CEBPZ: variants seen among roughly 807,000 people sequenced by gnomAD.
The protein encoded by CEBPZ is CCAAT enhancer binding protein zeta, also known as CCAAT/enhancer-binding protein zeta.
In CEBPZ, 78 loss-of-function variants were observed where a neutral mutation model predicts 104.5. The ratio of observed to expected loss-of-function variants is 0.75; its 90% CI spans 0.62 to 0.90. The LOEUF is 0.90. CEBPZ is among the 40% of genes least tolerant of loss of function. The probability of loss-of-function intolerance (pLI) is 0.00; values close to 1 mark genes in which losing one functional copy is unlikely to be tolerated. For synonymous variants in CEBPZ, 470 were observed against 427.0 expected (o/e 1.10, Z -1.24); for missense variants, 1,439 against 1,233.5 (o/e 1.17, Z -2.50).
Position 37,211,875 on chromosome 2 carries a change from T to G in CEBPZ, c.2768A>C (p.Asp923Ala). Residue 923 changes from aspartate (D) to alanine (A), a missense_variant, in exon 12 of 16, where the codon GAT becomes GCT. Transcript: ENST00000234170. ...EVDEDGGTFMDVLDDESESVP... is the reference protein window; with the variant it reads ...EVDEDGGTFMAVLDDESESVP... ...GCTCTCACTTTCATCATCTAACACA[T>G]CCATGAATGTTCCTCCATCTTCATC... 1.2e-6 allele frequency: 2 copies of G among 1,609,718 alleles called. No individual in the cohort carries two copies. The highest frequency in any genetic ancestry group is 1.7e-6 in the Non-Finnish European group (2 of 1,178,566).
At chr2:37,220,877 G>A (rs1365229777) in intron 4 of CEBPZ, among the ~76,000 whole-genome samples, 1 of 152,122 alleles carries the variant, frequency 6.6e-6, no homozygotes, top group Non-Finnish European at 1.5e-5. Context: ...TGTGCCTGTA[G>A]TCCCAGCTAT....
Position 37,228,503 on chromosome 2 carries a change from G to A in CEBPZ, c.690C>T (p.Ala230=). The A allele has an allele frequency of 6.2e-7, 1 of 1,614,162 alleles. No individual in the cohort carries two copies. The change falls in exon 2 of 16, where the codon GCC becomes GCT. Residue 230 remains alanine, a synonymous_variant. Transcript: ENST00000234170. ...CAATTGCCTTCATCCAGGTAGAAGA[G>A]GCTCCCTTTTGACTATTCGTCTTAC... The part of the protein sequence containing the change: ...FKSKTNSQKG[A]SSTWMKAIVS...
intron 4 of CEBPZ, among the ~76,000 whole-genome samples, chr2:37,221,316 T>C (rs1664767032): frequency 6.6e-6 from 1 of 152,012 alleles, no homozygotes; most frequent in Non-Finnish European, 1.5e-5. Context: ...TGAGACCCTG[T>C]CTCAAAAAAA....
At chr2:37,205,867 A>C (rs1488135935) in intron 13 of CEBPZ, among the ~76,000 whole-genome samples, 1 of 152,088 alleles carries the variant, frequency 6.6e-6, no homozygotes, top group African/African-American at 2.4e-5. Context: ...AAAAATGTTA[A>C]AAAACAATTA....
At chr2:37,213,746 C>T in intron 10 of CEBPZ, 118 bp downstream of exon 10, 2 of 665,106 alleles carry the variant, frequency 3.0e-6, no homozygotes, top group Non-Finnish European at 5.0e-6. Flanking sequence ...CTGTGATTTG[C>T]ATGATATTCT....
intron 9 of CEBPZ, among the ~76,000 whole-genome samples, chr2:37,214,205 T>G (rs910971561): frequency 2.0e-5 from 3 of 152,208 alleles, no homozygotes; most frequent in African/African-American, 7.2e-5. Flanking sequence ...ATTCTTATAT[T>G]AGAATACAGC....
At chr2:37,219,265 T>C (rs141298909) in intron 5 of CEBPZ, among the ~76,000 whole-genome samples, 327 of 152,352 alleles carry the variant, frequency 2.1e-3, no homozygotes, top group African/African-American at 7.1e-3. Context: ...ACAACCTTCA[T>C]GCTTTAGGTA....
intron 13 of CEBPZ, chr2:37,203,350 GAC>G (rs977916937): frequency 3.7e-5 from 6 of 163,366 alleles, no homozygotes; most frequent in African/African-American, 1.2e-4. Context: ...AAATACTTAA[GAC>G]ACAACATAAA....
At chr2:37,231,320 T>G (rs1406103803) in intron 1 of CEBPZ, 92 bp downstream of exon 1, 1 of 1,581,252 alleles carries the variant, frequency 6.3e-7, no homozygotes, top group Non-Finnish European at 8.7e-7. Context: ...ACGCCCGCGC[T>G]CTACGCAGCG....
rs538120629 is a variant in CEBPZ, at chr2:37,216,418, C to G, written c.2209G>C (p.Gly737Arg). Residue 737 changes from glycine (G) to arginine (R), a missense_variant and splice_region_variant, in exon 7 of 16, where the codon GGA (glycine) becomes CGA (arginine). By Grantham distance (125) the Gly-to-Arg change is moderately radical. Transcript: ENST00000234170. ...TCCCCTGAATACTGAATATAGTTTC[C>G]CTGAAAAGTGGAGCGGGGATTTAAA... The part of the protein sequence containing the change: ...VALFAKTILQ[G>R]NYIQYSGDPL... The G allele has an allele frequency of 6.3e-7, 1 of 1,599,682 alleles. No individual in the cohort carries two copies.
intron 2 of CEBPZ, among the ~76,000 whole-genome samples, chr2:37,226,978 C>A (rs1664900839): frequency 6.6e-6 from 1 of 152,180 alleles, no homozygotes. Context: ...TTGTTTACCA[C>A]CGCTCCCCTC....
At chr2:37,213,078 A>G (rs1677779037) in intron 10 of CEBPZ, among the ~76,000 whole-genome samples, 1 of 151,950 alleles carries the variant, frequency 6.6e-6, no homozygotes, top group Admixed American at 6.6e-5. Flanking sequence ...AAAAACAACA[A>G]CAAAAAAATA....
At chr2:37,220,269 A>G (rs1348916852) in intron 5 of CEBPZ, 116 bp downstream of exon 5, 8 of 277,844 alleles carry the variant, frequency 2.9e-5, no homozygotes, top group East Asian at 1.3e-4. Flanking sequence ...GTGAGCCACA[A>G]TCATGCCACT....
chr2:37,203,166 AGAGT>A, intron 13 of CEBPZ, 158 bp from the exon 14 acceptor site: 1 of 507,426 alleles, frequency 2.0e-6, no homozygotes, highest in South Asian at 3.6e-5. Flanking sequence ...ATATAATTTA[AGAGT>A]TAGTATATAA....
intron 10 of CEBPZ, among the ~76,000 whole-genome samples, chr2:37,212,895 C>T (rs368564402): frequency 6.7e-6 from 1 of 149,904 alleles, no homozygotes; most frequent in East Asian, 2.0e-4. Context: ...AAAAACGAGC[C>T]GGACATCATG....
At position 37,210,979 on chromosome 2, in the gene CEBPZ, T is replaced by C. The variant is rs1677703335; in HGVS notation, c.2884+20A>G. The C allele has an allele frequency of 1.9e-6, 3 of 1,557,500 alleles. No individual in the cohort carries two copies. The highest frequency in any genetic ancestry group is 1.1e-5 in the South Asian group (1 of 87,754). On this transcript the variant is annotated intron_variant, in intron 13 of 15. Coordinates refer to ENST00000234170, the MANE Select transcript of CEBPZ (RefSeq NM_005760.3). ...TCACATGGACACTGCTTTTAAAAGA[T>C]ATTAAATGTATTTTCTTACCTTGAA... is the stretch of plus-strand genomic sequence containing the variant.
At chr2:37,212,929 C>T (rs1054270840) in intron 10 of CEBPZ, among the ~76,000 whole-genome samples, 5 of 150,286 alleles carry the variant, frequency 3.3e-5, no homozygotes, top group African/African-American at 1.2e-4. Flanking sequence ...GTCCCAGCTA[C>T]CCGTGGGGCT....
rs775458190 is a variant in CEBPZ at position 37,217,176 on chromosome 2, T to C, written c.2155-139A>G. 24 of 648,236 alleles carry C rather than the reference T, an allele frequency of 3.7e-5. 1 individual carries two copies. The highest frequency in any genetic ancestry group is 1.3e-4 in the African/African-American group (7 of 54,350). 40.2% of individuals were successfully genotyped at this position (648,236 alleles called of 1,614,324 possible). A position where few individuals can be genotyped will look rare whatever the true frequency, so the allele number is the denominator to read the frequency against. ...ACTTTGGGAGGCTCAGGCAGGCAGATTGCTTGAGCCCAGAAGTTGAGACTG... is the reference window on the plus strand; with the variant it reads ...ACTTTGGGAGGCTCAGGCAGGCAGACTGCTTGAGCCCAGAAGTTGAGACTG... On this transcript the variant is annotated intron_variant, in intron 5 of 15. Coordinates refer to ENST00000234170, the MANE Select transcript of CEBPZ (RefSeq NM_005760.3).
chr2:37,209,689 G>A (rs945593937), intron 13 of CEBPZ: 1 of 152,122 alleles, frequency 6.6e-6, no homozygotes, highest in Non-Finnish European at 1.5e-5. Context: ...AAAAATTCTA[G>A]AATATAACAT....
Sources: gnomAD v4.1 joint callset for allele counts (sites outside exome capture counted in the v4.1 genomes callset) on GRCh38, gnomAD v4.1.1 for gene constraint, MANE v1.5 for transcripts, NCBI Gene and HGNC (gene_info 2026-07-23, HGNC 2026-07-21) for gene names.